The following FRMD4A variants were observed in gnomAD, a reference collection of about 807,000 sequenced individuals.
The protein encoded by FRMD4A is FERM domain-containing protein 4A.
Under a neutral mutation model 129.1 loss-of-function variants are expected in FRMD4A, and 29 were observed. The ratio of observed to expected loss-of-function variants is 0.22; its 90% CI spans 0.17 to 0.31. FRMD4A has a LOEUF of 0.31. FRMD4A is among the 10% of genes least tolerant of loss of function. The pLI, the probability that FRMD4A is intolerant of heterozygous loss-of-function variation, is 1.00. For missense variants in FRMD4A, 1,272 were observed against 1,375.8 expected, an observed-to-expected ratio of 0.92 and a Z score of 1.19; for synonymous variants, 634 against 571.6, an observed-to-expected ratio of 1.11 and a Z score of -1.56.
intron 2 of FRMD4A, among the ~76,000 whole-genome samples, chr10:14,236,058 G>C (rs1385113522): frequency 2.0e-5 from 3 of 152,210 alleles, no homozygotes; most frequent in Admixed American, 1.3e-4. Flanking sequence ...CTTCATGCAC[G>C]ATCATCTGCC....
Position 14,120,214 on chromosome 10 carries a change from C to A in FRMD4A, c.45+209844G>T, listed in dbSNP as rs532669379. Among the ~76,000 whole-genome samples the A allele has an allele frequency of 5.9e-5, 9 of 152,200 alleles. No individual in the cohort carries two copies. The East Asian group carries it at 1.7e-3, about 29-fold the overall frequency. On this transcript the variant is annotated intron_variant, in intron 2 of 24. Coordinates refer to ENST00000357447, the MANE Select transcript of FRMD4A (RefSeq NM_018027.5). ...GCCTACCGACATCTGTTTCCCAAGCCGAGTTCCTCCATCCCTTTACGTACA... is the reference window on the plus strand; with the variant it reads ...GCCTACCGACATCTGTTTCCCAAGCAGAGTTCCTCCATCCCTTTACGTACA...
In FRMD4A at chr10:13,971,986, C is replaced by A. The variant is rs142431633; in HGVS notation, c.46-113074G>T. On this transcript the variant is annotated intron_variant, in intron 2 of 24. Coordinates refer to ENST00000357447, the MANE Select transcript of FRMD4A (RefSeq NM_018027.5). ...ACCCTCACCACCACCCTCACTAATC[C>A]TCAGAGACTGCTTTCCTTCAAGGAT... The A allele has an allele frequency of 5.1e-6, 6 of 1,184,258 alleles. No homozygotes were observed. The East Asian group carries it at 2.9e-4, about 58-fold the overall frequency. The allele number at this position is 1,184,258 out of a possible 1,614,324, so 73.4% of individuals were successfully genotyped here.
At chr10:13,848,857 G>C (rs975462957) in intron 3 of FRMD4A, among the ~76,000 whole-genome samples, 3 of 152,168 alleles carry the variant, frequency 2.0e-5, no homozygotes, top group African/African-American at 4.8e-5. Flanking sequence ...AGCTGCTTGT[G>C]CTCCCCAAGA....
rs1370756822 is a variant in FRMD4A, at chr10:13,651,948, A to C, written c.3077T>G (p.Leu1026Arg). The change falls in exon 24 of 25, where the codon CTG becomes CGG. Residue 1026 changes from leucine to arginine, a missense_variant. Transcript: ENST00000357447. Reference sequence around the variant, plus strand: ...GTGAGGTGGAGACTCAGACCCATCCAGAATGGGTGAGTTTTCTGTTGCTTC... The same window carrying C: ...GTGAGGTGGAGACTCAGACCCATCCCGAATGGGTGAGTTTTCTGTTGCTTC... ...TGEATENSPI[L>R]DGSESPPHQS... 6.3e-7 allele frequency: 1 copy of C among 1,595,824 alleles called. No individual in the cohort carries two copies. The highest frequency in any genetic ancestry group is 8.6e-7 in the Non-Finnish European group (1 of 1,163,414).
chr10:14,008,170 G>GTGTGTGTA, intron 2 of FRMD4A: 1 of 984,880 alleles, frequency 1.0e-6, no homozygotes, highest in South Asian at 1.8e-5. Flanking sequence ...AGCTGTGTGT[G>GTGTGTGTA]TGTGTGTGTG....
intron 2 of FRMD4A, among the ~76,000 whole-genome samples, chr10:14,129,138 T>C (rs1429283823): frequency 6.6e-6 from 1 of 151,888 alleles, no homozygotes; most frequent in Non-Finnish European, 1.5e-5. Flanking sequence ...AGAATCAACC[T>C]TTCCATGAAC....
intron 2 of FRMD4A, among the ~76,000 whole-genome samples, chr10:14,147,036 G>C: frequency 6.6e-6 from 1 of 152,090 alleles, no homozygotes; most frequent in Non-Finnish European, 1.5e-5. Context: ...TTGGATGCAA[G>C]GTATAAATTA....
At chr10:13,750,941 C>T (rs932570617) in intron 8 of FRMD4A, among the ~76,000 whole-genome samples, 6 of 152,144 alleles carry the variant, frequency 3.9e-5, no homozygotes, top group South Asian at 2.1e-4. Flanking sequence ...GATGAATTTC[C>T]GGATCTTCTC....
rs573181748 is a variant in FRMD4A, at chr10:13,741,965, T to C, written c.549-1388A>G. 1.4e-4 allele frequency among the ~76,000 whole-genome samples: 22 copies of C among 152,312 alleles called. 1 individual carries two copies. In the South Asian group the frequency reaches 1.9e-3, roughly 13 times the overall value. On this transcript the variant is annotated intron_variant, in intron 9 of 24. Coordinates refer to ENST00000357447, the MANE Select transcript of FRMD4A (RefSeq NM_018027.5). ...TCTGCCTCCCAGTTTAAAGCAATTC[T>C]TGTGCCTCAGCCTCCTGAGTAGCTG...
At chr10:13,683,470 G>A (rs1037035226) in intron 15 of FRMD4A, among the ~76,000 whole-genome samples, 1 of 151,722 alleles carries the variant, frequency 6.6e-6, no homozygotes, top group South Asian at 2.1e-4. Flanking sequence ...GGTGGTAAAC[G>A]CCTGTAGTCC....
At chr10:14,042,623 T>G (rs1833822305) in intron 2 of FRMD4A, among the ~76,000 whole-genome samples, 1 of 152,090 alleles carries the variant, frequency 6.6e-6, no homozygotes, top group Non-Finnish European at 1.5e-5. Context: ...GGTGTACTTG[T>G]GATTTGTGCT....
chr10:14,245,632 C>T (rs1272916923), intron 2 of FRMD4A, among the ~76,000 whole-genome samples: 1 of 152,018 alleles, frequency 6.6e-6, no homozygotes, highest in Non-Finnish European at 1.5e-5. Context: ...ATTAGGGTGG[C>T]CCTAATTCAA....
At chr10:14,005,685 A>G (rs1428979273) in intron 2 of FRMD4A, among the ~76,000 whole-genome samples, 2 of 152,320 alleles carry the variant, frequency 1.3e-5, no homozygotes, top group South Asian at 2.1e-4. Flanking sequence ...TCGCTCCTCC[A>G]GAGAGCAAAC....
intron 4 of FRMD4A, among the ~76,000 whole-genome samples, chr10:13,799,017 T>A (rs1276968474): frequency 6.6e-6 from 1 of 152,180 alleles, no homozygotes; most frequent in Non-Finnish European, 1.5e-5. Context: ...CCAGAAAGTC[T>A]TCCCACACCA....
In FRMD4A at chr10:13,912,413, A is replaced by T. The variant is rs370460581; in HGVS notation, c.46-53501T>A. On this transcript the variant is annotated intron_variant, in intron 2 of 24. Coordinates refer to ENST00000357447, the MANE Select transcript of FRMD4A (RefSeq NM_018027.5). ...AACATATATCCACAGAAACTTGCACATGAATGTTCATAGTGACATTACACA... is the reference window on the plus strand; with the variant it reads ...AACATATATCCACAGAAACTTGCACTTGAATGTTCATAGTGACATTACACA... Among the ~76,000 whole-genome samples, 6 of 152,204 alleles carry T rather than the reference A, an allele frequency of 3.9e-5. 1 individual carries two copies. The East Asian group carries it at 5.8e-4, about 15-fold the overall frequency.
intron 12 of FRMD4A, among the ~76,000 whole-genome samples, chr10:13,731,478 G>C (rs540634364): frequency 5.9e-5 from 9 of 151,992 alleles, no homozygotes; most frequent in Non-Finnish European, 1.2e-4. Flanking sequence ...GTGAAACCCC[G>C]TCTCTACTAA....
intron 4 of FRMD4A, among the ~76,000 whole-genome samples, chr10:13,803,677 G>C (rs189557075): frequency 1.4e-4 from 21 of 152,116 alleles, no homozygotes; most frequent in Admixed American, 1.3e-3. Context: ...CACGTTTTGT[G>C]AATCACTTCC....
chr10:13,845,369 T>C (rs7909122), intron 3 of FRMD4A, among the ~76,000 whole-genome samples: 28,347 of 152,126 alleles, frequency 0.19, 2,900 homozygotes, highest in South Asian at 0.28. Context: ...AGTTAAGACA[T>C]TTTTTGATGG....
intron 6 of FRMD4A, among the ~76,000 whole-genome samples, chr10:13,764,548 AACTC>A (rs2092210440): frequency 6.6e-6 from 1 of 151,898 alleles, no homozygotes; most frequent in Non-Finnish European, 1.5e-5. Flanking sequence ...AACAACAACA[AACTC>A]ACTAACCATG....
Sources: gnomAD v4.1 joint callset for allele counts (sites outside exome capture counted in the v4.1 genomes callset) on GRCh38, gnomAD v4.1.1 for gene constraint, MANE v1.5 for transcripts, NCBI Gene and HGNC (gene_info 2026-07-23, HGNC 2026-07-21) for gene names.